CDH13: variants seen among roughly 807,000 people sequenced by gnomAD.
CDH13 encodes cadherin-13.
A neutral mutation model predicts 63.8 loss-of-function variants in CDH13; 24 were observed. The observed-to-expected ratio is 0.38, with a 90% CI of 0.27 to 0.53. The LOEUF is 0.53. CDH13 is among the 20% of genes least tolerant of loss of function. The pLI is 0.85. For synonymous variants in CDH13, 503 were observed against 355.3 expected (o/e 1.42, Z -4.67); for missense variants, 1,049 against 903.1 (o/e 1.16, Z -2.07).
chr16:83,658,871 T>C (rs1201771607), intron 8 of CDH13, among the ~76,000 whole-genome samples: 62 of 69,996 alleles, frequency 8.9e-4, no homozygotes, highest in Admixed American at 1.4e-3. Flanking sequence ...CAGCAAGGTC[T>C]CCTGTCCTCA....
chr16:83,205,961 T>C (rs922878043), intron 4 of CDH13, among the ~76,000 whole-genome samples: 1 of 152,106 alleles, frequency 6.6e-6, no homozygotes, highest in Admixed American at 6.5e-5. Flanking sequence ...GCTGAGCGAA[T>C]GTCAGTGTAG....
intron 1 of CDH13, among the ~76,000 whole-genome samples, chr16:82,848,517 C>T (rs543331637): frequency 2.0e-5 from 3 of 150,310 alleles, no homozygotes; most frequent in South Asian, 2.1e-4. Flanking sequence ...TAAATTATTA[C>T]TTTGTCTATT....
chr16:83,040,969 G>A (rs950469822), intron 3 of CDH13, among the ~76,000 whole-genome samples: 3 of 152,232 alleles, frequency 2.0e-5, no homozygotes, highest in East Asian at 1.9e-4. Context: ...GATTATGGGC[G>A]AACTTACACC....
Position 83,780,017 on chromosome 16 carries a change from C to T in CDH13, c.1731C>T (p.Asp577=), listed in dbSNP as rs151311546. 7.6e-4 allele frequency: 1,224 copies of T among 1,613,952 alleles called. 2 individuals are homozygous for T. Among genetic ancestry groups the T allele is most frequent in the Middle Eastern group, 6.3e-3 (38 of 6,062 alleles). ...GGACTTTGCTGATAACCCTGGAGGACGTGAATGACAATGCCCCGTTCATTT... is the reference window on the plus strand; with the variant it reads ...GGACTTTGCTGATAACCCTGGAGGATGTGAATGACAATGCCCCGTTCATTT... ...GTGTLLITLE[D]VNDNAPFIYP... is the part of the protein sequence containing the mutation. The change falls in exon 12 of 14, where the codon GAC becomes GAT. Residue 577 remains aspartate (D), a synonymous_variant. Transcript: ENST00000567109.
intron 4 of CDH13, among the ~76,000 whole-genome samples, chr16:83,200,071 T>C (rs2038981797): frequency 6.6e-6 from 1 of 152,148 alleles, no homozygotes; most frequent in South Asian, 2.1e-4. Flanking sequence ...GCCTCATTCC[T>C]TACCTGATTC....
At chr16:82,666,948 C>A (rs147911440) in intron 1 of CDH13, among the ~76,000 whole-genome samples, 5 of 152,212 alleles carry the variant, frequency 3.3e-5, no homozygotes, top group African/African-American at 9.6e-5. Context: ...TAGTTTCTGC[C>A]CCTGAGATGA....
At chr16:83,146,018 AC>A (rs1228451040) in intron 4 of CDH13, among the ~76,000 whole-genome samples, 2 of 152,026 alleles carry the variant, frequency 1.3e-5, no homozygotes, top group Admixed American at 1.3e-4. Flanking sequence ...ACTTGGTGAA[AC>A]CCCATCTCTG....
Position 83,271,421 on chromosome 16 carries a change from A to AT in CDH13, c.636+53925dup, listed in dbSNP as rs200091311. ...TCTACCGCACATTGAGGCAGAGTTC[A>AT]TAAAAAAAAAAAAAAAAAAAAAAAA... On this transcript the variant is annotated intron_variant, in intron 5 of 13. Coordinates refer to ENST00000567109, the MANE Select transcript of CDH13 (RefSeq NM_001257.5). Among the ~76,000 whole-genome samples the AT allele has an allele frequency of 5.8e-4, 68 of 117,022 alleles. 7 individuals are homozygous for AT. The highest frequency in any genetic ancestry group is 1.6e-3 in the African/African-American group (44 of 27,708). The allele number at this position is 117,022 out of a possible 152,430, so 76.8% of individuals were successfully genotyped here.
intron 2 of CDH13, among the ~76,000 whole-genome samples, chr16:83,009,967 C>G (rs539455317): frequency 6.6e-6 from 1 of 151,928 alleles, no homozygotes; most frequent in East Asian, 1.9e-4. Context: ...AACCCTGTCT[C>G]TACTAAAAAT....
intron 10 of CDH13, among the ~76,000 whole-genome samples, chr16:83,683,898 A>G (rs938916225): frequency 6.6e-6 from 1 of 152,230 alleles, no homozygotes; most frequent in Non-Finnish European, 1.5e-5. Flanking sequence ...GATCATGTAC[A>G]TCAGGTTCTA....
chr16:83,765,245 G>A (rs1226141797), intron 11 of CDH13, among the ~76,000 whole-genome samples: 1 of 152,114 alleles, frequency 6.6e-6, no homozygotes, highest in African/African-American at 2.4e-5. Context: ...AATGGTTATT[G>A]ACTGAATGAA....
At chr16:82,931,515 T>C (rs1373505269) in intron 2 of CDH13, among the ~76,000 whole-genome samples, 1 of 142,654 alleles carries the variant, frequency 7.0e-6, no homozygotes, top group Non-Finnish European at 1.5e-5. Flanking sequence ...GTCCCCCCCT[T>C]TTTTTTTTTT....
At chr16:83,755,554 C>T (rs1913437550) in intron 11 of CDH13, among the ~76,000 whole-genome samples, 2 of 151,890 alleles carry the variant, frequency 1.3e-5, no homozygotes. Context: ...TTAAAAATAG[C>T]CTGAGAATAA....
chr16:83,144,344 A>T (rs990833615), intron 4 of CDH13, among the ~76,000 whole-genome samples: 3 of 152,228 alleles, frequency 2.0e-5, no homozygotes, highest in African/African-American at 7.2e-5. Context: ...TACTGTATTT[A>T]TAAAGGATGC....
At chr16:82,943,455 T>A (rs1012392337) in intron 2 of CDH13, among the ~76,000 whole-genome samples, 2 of 152,192 alleles carry the variant, frequency 1.3e-5, no homozygotes. Flanking sequence ...TTTATATGAC[T>A]CAAATGGAAG....
At chr16:83,674,400 A>C (rs1251645597) in intron 9 of CDH13, among the ~76,000 whole-genome samples, 1 of 152,216 alleles carries the variant, frequency 6.6e-6, no homozygotes. Context: ...GGCAAATGAG[A>C]GAAGGTGCTC....
chr16:83,132,968 C>T (rs930494548), intron 4 of CDH13, among the ~76,000 whole-genome samples: 2 of 152,182 alleles, frequency 1.3e-5, no homozygotes, highest in African/African-American at 2.4e-5. Flanking sequence ...CCTCTGTATC[C>T]TTATTCCTTA....
At chr16:83,058,586 C>G (rs906351026) in intron 3 of CDH13, among the ~76,000 whole-genome samples, 11 of 152,168 alleles carry the variant, frequency 7.2e-5, no homozygotes, top group African/African-American at 2.4e-4. Flanking sequence ...AGGGGCCAAT[C>G]TCCACTCCTG....
At chr16:82,683,612 T>C (rs764707008) in intron 1 of CDH13, among the ~76,000 whole-genome samples, 7 of 152,202 alleles carry the variant, frequency 4.6e-5, no homozygotes, top group Non-Finnish European at 7.3e-5. Flanking sequence ...GAATAAGGAA[T>C]CATGTGAGCA....
Sources: gnomAD v4.1 joint callset for allele counts (sites outside exome capture counted in the v4.1 genomes callset) on GRCh38, gnomAD v4.1.1 for gene constraint, MANE v1.5 for transcripts, NCBI Gene and HGNC (gene_info 2026-07-23, HGNC 2026-07-21) for gene names.